PRDM10: variants seen among roughly 807,000 people sequenced by gnomAD.
PRDM10 encodes the protein PR/SET domain 10.
Under a neutral mutation model 133.1 loss-of-function variants are expected in PRDM10, and 65 were observed. That is an observed-to-expected ratio of 0.49 (90% CI 0.40 to 0.60). PRDM10 has a LOEUF of 0.60. Ranked by LOEUF, PRDM10 falls within the 20% of genes least tolerant of loss-of-function variation. The pLI, the probability that PRDM10 is intolerant of heterozygous loss-of-function variation, is 0.00. For synonymous variants in PRDM10, 582 were observed against 580.4 expected (o/e 1.00, Z -0.04); for missense variants, 1,137 against 1,507.1 (o/e 0.75, Z 4.07).
intron 1 of PRDM10, among the ~76,000 whole-genome samples, chr11:129,983,417 C>T (rs1242736344): frequency 6.6e-6 from 1 of 152,008 alleles, no homozygotes; most frequent in African/African-American, 2.4e-5. Flanking sequence ...GCCTCAGCCT[C>T]CCGAGTAGCT....
At chr11:129,904,190 A>G (rs959357279) in intron 20 of PRDM10, among the ~76,000 whole-genome samples, 3 of 150,592 alleles carry the variant, frequency 2.0e-5, no homozygotes, top group African/African-American at 7.3e-5. Context: ...AAAAAAAATC[A>G]GGTTTTTGAG....
chr11:129,908,458 C>T (rs896986724), intron 19 of PRDM10, among the ~76,000 whole-genome samples: 3 of 152,174 alleles, frequency 2.0e-5, no homozygotes, highest in Non-Finnish European at 4.4e-5. Flanking sequence ...GACGACAGAG[C>T]AAAACCCTGT....
intron 1 of PRDM10, among the ~76,000 whole-genome samples, chr11:129,999,139 AAT>A (rs1939211709): frequency 6.6e-6 from 1 of 152,062 alleles, no homozygotes; most frequent in African/African-American, 2.4e-5. Flanking sequence ...TAACATTAAG[AAT>A]AAAAAAGAAA....
intron 1 of PRDM10, among the ~76,000 whole-genome samples, chr11:129,961,407 C>G (rs1027643557): frequency 6.6e-6 from 1 of 151,972 alleles, no homozygotes; most frequent in Non-Finnish European, 1.5e-5. Context: ...TAGGTTTAAG[C>G]GATTCTCCTG....
chr11:129,902,217 A>G lies in PRDM10; in HGVS notation c.*96T>C, dbSNP rs1171293742. ...CTGTGGTTTCCGAACTCTTGAGTGA[A>G]TAATAAATCTTACAAAAGAGCTCTA... On this transcript the variant is annotated 3_prime_UTR_variant, in exon 21 of 21. Transcript: ENST00000360871. 6.9e-7 allele frequency: 1 copy of G among 1,459,264 alleles called. No homozygotes were observed. The highest frequency in any genetic ancestry group is 2.3e-5 in the East Asian group (1 of 43,618). The allele number at this position is 1,459,264 out of a possible 1,614,324, so 90.4% of individuals were successfully genotyped here. A position where few individuals can be genotyped will look rare whatever the true frequency, so the allele number is the denominator to read the frequency against.
chr11:129,907,632 T>C (rs1218725249), intron 19 of PRDM10, among the ~76,000 whole-genome samples: 1 of 151,954 alleles, frequency 6.6e-6, no homozygotes, highest in Non-Finnish European at 1.5e-5. Context: ...CTCGAACTCC[T>C]GACCTCATGA....
chr11:129,970,756 G>C (rs760517932), intron 1 of PRDM10, among the ~76,000 whole-genome samples: 1 of 152,014 alleles, frequency 6.6e-6, no homozygotes, highest in Non-Finnish European at 1.5e-5. Flanking sequence ...ATGTTGGCCA[G>C]GTTGGTCTCG....
chr11:129,989,296 C>T (rs1938603211), intron 1 of PRDM10, among the ~76,000 whole-genome samples: 1 of 151,954 alleles, frequency 6.6e-6, no homozygotes, highest in African/African-American at 2.4e-5. Context: ...ACAGCAAGAC[C>T]CTGCCTCTGG....
chr11:129,942,650 A>G (rs752742003), intron 6 of PRDM10, 21 bp from the exon 7 acceptor site: 3 of 1,584,100 alleles, frequency 1.9e-6, no homozygotes. Context: ...AAAAAGCCAC[A>G]CCAAAAACAA....
At chr11:129,985,776 T>C (rs1347054221) in intron 1 of PRDM10, among the ~76,000 whole-genome samples, 1 of 27,364 alleles carries the variant, frequency 3.7e-5, no homozygotes, top group Non-Finnish European at 6.5e-5. Context: ...AGACAAACCC[T>C]GTCCAAAAAA....
rs951792451 is a variant in PRDM10, at chr11:129,956,058, G to A, written c.235-487C>T. Among the ~76,000 whole-genome samples the A allele has an allele frequency of 2.6e-5, 4 of 152,084 alleles. No homozygotes were observed. The East Asian group carries it at 7.7e-4, about 29-fold the overall frequency. On this transcript the variant is annotated intron_variant, in intron 3 of 20. Transcript: ENST00000360871. ...GTGCATGTTTATTATCAGAAGAGAA[G>A]TAGAAGGAAAATAAATTGAACTTAA...
Position 129,991,135 on chromosome 11 carries a change from C to T in PRDM10, c.-119+11587G>A, listed in dbSNP as rs117624061. On this transcript the variant is annotated intron_variant, in intron 1 of 20. Transcript: ENST00000360871. The stretch of plus-strand genomic sequence containing the variant: ...TGGGATAATGTCTGTTACAATGTGG[C>T]TCAATAGTATAGAGTATAATGCAAA... 7.7e-4 allele frequency among the ~76,000 whole-genome samples: 117 copies of T among 152,260 alleles called. 3 individuals are homozygous for T. The Middle Eastern group carries it at 0.034, about 44-fold the overall frequency.
chr11:129,966,379 G>C (rs980717889), intron 1 of PRDM10, among the ~76,000 whole-genome samples: 1 of 152,226 alleles, frequency 6.6e-6, no homozygotes, highest in South Asian at 2.1e-4. Flanking sequence ...TCTGAAATAG[G>C]GATCTATTTT....
At chr11:129,940,517 C>T (rs1463815545) in intron 7 of PRDM10, among the ~76,000 whole-genome samples, 1 of 152,086 alleles carries the variant, frequency 6.6e-6, no homozygotes, top group Non-Finnish European at 1.5e-5. Context: ...AATAGTAGCT[C>T]ATAGTTATTT....
intron 1 of PRDM10, among the ~76,000 whole-genome samples, chr11:130,000,034 G>A (rs1020733064): frequency 6.7e-6 from 1 of 149,794 alleles, no homozygotes; most frequent in Non-Finnish European, 1.5e-5. Context: ...TTTTTCACTC[G>A]CTTCTAAATT....
intron 1 of PRDM10, among the ~76,000 whole-genome samples, chr11:129,995,316 C>T (rs942332494): frequency 6.6e-6 from 1 of 152,046 alleles, no homozygotes; most frequent in African/African-American, 2.4e-5. Context: ...TTCTCCCATG[C>T]GCTCTGACCC....
chr11:129,999,396 C>G (rs1429526273), intron 1 of PRDM10, among the ~76,000 whole-genome samples: 1 of 152,154 alleles, frequency 6.6e-6, no homozygotes, highest in African/African-American at 2.4e-5. Context: ...CTTCATTAAT[C>G]TATTAAAGTA....
intron 1 of PRDM10, among the ~76,000 whole-genome samples, chr11:129,999,111 C>G (rs186226053): frequency 5.5e-4 from 84 of 152,246 alleles, no homozygotes; most frequent in African/African-American, 2.0e-3. Flanking sequence ...GTGTGAGCCA[C>G]CACACCCGGC....
chr11:129,971,998 C>G (rs142423429), intron 1 of PRDM10, among the ~76,000 whole-genome samples: 1 of 152,212 alleles, frequency 6.6e-6, no homozygotes. Context: ...AGCTAAGGCC[C>G]GGTGAGAAAT....
Sources: allele counts gnomAD v4.1 joint callset (sites outside exome capture counted in the v4.1 genomes callset), GRCh38; gene constraint gnomAD v4.1.1; transcripts MANE v1.5; gene names NCBI Gene and HGNC (gene_info 2026-07-23, HGNC 2026-07-21).